WDR86: variants seen among roughly 807,000 people sequenced by gnomAD.
The protein encoded by WDR86 is WD repeat domain 86, also known as WD repeat-containing protein 86.
Under a neutral mutation model 36.5 loss-of-function variants are expected in WDR86, and 30 were observed. The observed-to-expected ratio is 0.82, with a 90% CI of 0.61 to 1.11. The LOEUF (loss-of-function observed/expected upper bound fraction) is 1.11, where lower values mean the gene tolerates loss of function less well. Among genes scored for constraint, WDR86 ranks in the 50% most tolerant of loss-of-function variants. The probability of loss-of-function intolerance (pLI) is 0.00; values close to 1 mark genes in which losing one functional copy is unlikely to be tolerated. For missense variants in WDR86, 545 were observed against 561.2 expected (o/e 0.97, Z 0.29); for synonymous variants, 255 against 252.9 (o/e 1.01, Z -0.08).
chr7:151,376,835 C>T (rs775228761), downstream of WDR86: 36 of 1,554,942 alleles, frequency 2.3e-5, no homozygotes, highest in Non-Finnish European at 2.5e-5. Context: ...CTTTGAGGGC[C>T]GCATTGAGAG....
rs746796984 is a variant in WDR86, at chr7:151,406,225, C to T, written c.163+3202G>A. Among the ~76,000 whole-genome samples the T allele has an allele frequency of 1.1e-4, 16 of 152,114 alleles. No homozygotes were observed. The highest frequency in any genetic ancestry group is 1.8e-4 in the Non-Finnish European group (12 of 68,020). On this transcript the variant is annotated intron_variant, in intron 1 of 5. Coordinates refer to ENST00000334493, the MANE Select transcript of WDR86 (RefSeq NM_198285.3). The surrounding 1 kb of genome is among the most constrained non-coding windows in gnomAD (Gnocchi z 4.4). ...TGCAGCCCACTCTCCCTGGGGCCTC[C>T]GGGAGCAGCACCTCACCCACCAACC...
chr7:151,381,770 A>AC lies in WDR86; in HGVS notation c.967-25dup. 1.4e-6 allele frequency: 2 copies of AC among 1,418,386 alleles called. No homozygotes were observed. The highest frequency in any genetic ancestry group is 2.4e-5 in the Admixed American group (1 of 41,784). 87.9% of individuals were successfully genotyped at this position (1,418,386 alleles called of 1,614,324 possible). On this transcript the variant is annotated intron_variant, in intron 5 of 5. Transcript: ENST00000334493. This position sits in a 1 kb window ranked among gnomAD's most constrained non-coding sequence, Gnocchi z 4.8. ...ACCTGCGGGCGCAGGGGCGGGCGTC[A>AC]CCGGTGACGCGGTAGGCGGGGGGGA...
rs974468614 is a variant in WDR86 at position 151,409,725 on chromosome 7, C to T, written c.-136G>A. ...GGGGAGCCCGACTCCTGCGGAGGCA[C>T]GCGGCGAGGGGAGGGTGAAGGACCC... On this transcript the variant is annotated 5_prime_UTR_variant, in exon 1 of 6. In the 5' UTR this introduces an upstream ATG that the reference lacks. Coordinates refer to ENST00000334493, the MANE Select transcript of WDR86 (RefSeq NM_198285.3). This position sits in a 1 kb window ranked among gnomAD's most constrained non-coding sequence, Gnocchi z 5.2. 5 of 1,291,366 alleles carry T rather than the reference C, an allele frequency of 3.9e-6. No homozygotes were observed. Among genetic ancestry groups the T allele is most frequent in the African/African-American group, 3.1e-5 (2 of 64,378 alleles). 80.0% of individuals were successfully genotyped at this position (1,291,366 alleles called of 1,614,324 possible).
In WDR86 at chr7:151,409,939, C is replaced by A. The variant is rs954481246; in HGVS notation, c.-350G>T. Reference sequence around the variant, plus strand: ...AGCTGCGTCTCTGGTGCACAAGGAGCCCCCCGCCTCCTCTCGCGCCCACGG... The same window carrying A: ...AGCTGCGTCTCTGGTGCACAAGGAGACCCCCGCCTCCTCTCGCGCCCACGG... On this transcript the variant is annotated 5_prime_UTR_variant, in exon 1 of 6. Transcript: ENST00000334493. This position sits in a 1 kb window ranked among gnomAD's most constrained non-coding sequence, Gnocchi z 5.2. 1 of 1,051,514 alleles carries A rather than the reference C, an allele frequency of 9.5e-7. No individual in the cohort carries two copies. Among genetic ancestry groups the A allele is most frequent in the Admixed American group, 5.5e-5 (1 of 18,120 alleles). 65.1% of individuals were successfully genotyped at this position (1,051,514 alleles called of 1,614,324 possible). A position where few individuals can be genotyped will look rare whatever the true frequency, so the allele number is the denominator to read the frequency against.
At chr7:151,375,211 A>C (rs1563032044), downstream of WDR86, among the ~76,000 whole-genome samples, 1 of 152,202 alleles carries the variant, frequency 6.6e-6, no homozygotes, top group Non-Finnish European at 1.5e-5. Flanking sequence ...TATATTTAAC[A>C]TATACGTTAA....
At chr7:151,389,316 C>T (rs572767570) in intron 3 of WDR86, among the ~76,000 whole-genome samples, 5 of 152,226 alleles carry the variant, frequency 3.3e-5, no homozygotes, top group East Asian at 1.9e-4. Flanking sequence ...CGAAACTGCA[C>T]GGTCTCCTCT....
At chr7:151,380,709 A>G (rs10276723), downstream of WDR86, among the ~76,000 whole-genome samples, 123,542 of 151,736 alleles carry the variant, frequency 0.81, 50,468 homozygotes, top group East Asian at 0.99. Flanking sequence ...TGGCTCTGGC[A>G]TGTGTGTTGC....
At chr7:151,376,695 ACGTCCAGCTGGC>A, downstream of WDR86, 1 of 1,610,498 alleles carries the variant, frequency 6.2e-7, no homozygotes, top group Non-Finnish European at 8.5e-7. Context: ...TTCAGAGGCA[ACGTCCAGCTGGC>A]CGCCCAGACC....
At chr7:151,410,111 C>G (rs890351968), upstream of WDR86, 4 of 980,910 alleles carry the variant, frequency 4.1e-6, no homozygotes, top group East Asian at 1.1e-4. Context: ...CCCCAGCCCC[C>G]ACCCCGCGCG....
downstream of WDR86, among the ~76,000 whole-genome samples, chr7:151,371,363 A>ACCCCCCC (rs57489077): frequency 3.4e-5 from 4 of 118,772 alleles, no homozygotes; most frequent in African/African-American, 3.4e-5. Flanking sequence ...TTTTACCCCC[A>ACCCCCCC]CCCCCCACCC....
At chr7:151,374,261 G>A (rs1341137472), downstream of WDR86, 25 of 1,550,902 alleles carry the variant, frequency 1.6e-5, no homozygotes, top group Non-Finnish European at 2.2e-5. Flanking sequence ...CTCCCTCGGG[G>A]CCTCTGGCCT....
At position 151,409,839 on chromosome 7, in the gene WDR86, C is replaced by T. The variant is rs1325636255; in HGVS notation, c.-250G>A. Reference sequence around the variant, plus strand: ...TCGGGACCTCCGCCCTGGGTAGAGTCCTGGGCGCGCGGGCAGAGAGAACCC... The same window carrying T: ...TCGGGACCTCCGCCCTGGGTAGAGTTCTGGGCGCGCGGGCAGAGAGAACCC... On this transcript the variant is annotated 5_prime_UTR_variant, in exon 1 of 6. Transcript: ENST00000334493. This position sits in a 1 kb window ranked among gnomAD's most constrained non-coding sequence, Gnocchi z 5.2. 4.1e-6 allele frequency: 5 copies of T among 1,231,090 alleles called. No individual in the cohort carries two copies. The highest frequency in any genetic ancestry group is 3.4e-5 in the East Asian group (1 of 29,536). The allele number at this position is 1,231,090 out of a possible 1,614,324, so 76.3% of individuals were successfully genotyped here.
At chr7:151,407,241 G>A (rs1343890649) in intron 1 of WDR86, among the ~76,000 whole-genome samples, 1 of 152,222 alleles carries the variant, frequency 6.6e-6, no homozygotes, top group Non-Finnish European at 1.5e-5. Context: ...GGAAGTGAGT[G>A]TCAGTACCTC....
chr7:151,407,750 A>T (rs1800823640), intron 1 of WDR86, among the ~76,000 whole-genome samples: 1 of 152,190 alleles, frequency 6.6e-6, no homozygotes, highest in South Asian at 2.1e-4. Context: ...CCAAGGCAGG[A>T]GAATCGCTTG....
At chr7:151,375,306 G>A (rs972338429), downstream of WDR86, among the ~76,000 whole-genome samples, 13 of 152,042 alleles carry the variant, frequency 8.6e-5, no homozygotes, top group African/African-American at 3.1e-4. Flanking sequence ...CTGAATATTC[G>A]AAGGGACTGA....
chr7:151,378,720 A>C (rs990349240), downstream of WDR86, among the ~76,000 whole-genome samples: 37 of 152,310 alleles, frequency 2.4e-4, no homozygotes, highest in South Asian at 1.9e-3. Flanking sequence ...GGTGACGCGG[A>C]GTCTCAGCCT....
downstream of WDR86, among the ~76,000 whole-genome samples, chr7:151,371,974 C>T (rs1394728520): frequency 6.6e-6 from 1 of 152,246 alleles, no homozygotes; most frequent in East Asian, 1.9e-4. Flanking sequence ...TCCCAAGGTG[C>T]TGGGATTACA....
chr7:151,389,170 G>T (rs1049757928), intron 3 of WDR86, among the ~76,000 whole-genome samples: 2 of 144,576 alleles, frequency 1.4e-5, no homozygotes, highest in Non-Finnish European at 3.0e-5. Context: ...TGCCTAGGCT[G>T]GTCTGGGAAC....
Position 151,409,646 on chromosome 7 carries a change from C to G in WDR86, c.-57G>C, listed in dbSNP as rs1055060519. 6.1e-6 allele frequency: 8 copies of G among 1,316,036 alleles called. No individual in the cohort carries two copies. In the African/African-American group the frequency reaches 1.2e-4, roughly 20 times the overall value. The allele number at this position is 1,316,036 out of a possible 1,614,324, so 81.5% of individuals were successfully genotyped here. A position where few individuals can be genotyped will look rare whatever the true frequency, so the allele number is the denominator to read the frequency against. Reference sequence around the variant, plus strand: ...TGCGCCCCGCTAGGGAGGGGCGCCCCGGGGTCCGCGCGGCGGCTCCGTACG... The same window carrying G: ...TGCGCCCCGCTAGGGAGGGGCGCCCGGGGGTCCGCGCGGCGGCTCCGTACG... On this transcript the variant is annotated 5_prime_UTR_variant, in exon 1 of 6. Transcript: ENST00000334493. The surrounding 1 kb of genome is among the most constrained non-coding windows in gnomAD (Gnocchi z 5.2).
Sources: gnomAD v4.1 joint callset for allele counts (sites outside exome capture counted in the v4.1 genomes callset) on GRCh38, gnomAD v4.1.1 for gene constraint, Gnocchi (gnomAD v3.1) non-coding constraint, MANE v1.5 for transcripts, NCBI Gene and HGNC (gene_info 2026-07-23, HGNC 2026-07-21) for gene names.